The following ACAT1 variants were observed in gnomAD, a reference collection of about 807,000 sequenced individuals.
ACAT1 encodes the protein acetyl-CoA acetyltransferase, mitochondrial.
Under a neutral mutation model 47.3 loss-of-function variants are expected in ACAT1, and 28 were observed. The observed-to-expected ratio is 0.59, with a 90% CI of 0.44 to 0.81. The LOEUF (loss-of-function observed/expected upper bound fraction) is 0.81. Among genes scored for constraint, ACAT1 ranks in the 30% least tolerant of loss-of-function variants. The probability of loss-of-function intolerance (pLI) is 0.00; values close to 1 mark genes in which losing one functional copy is unlikely to be tolerated. For missense variants in ACAT1, 469 were observed against 524.3 expected (o/e 0.89, Z 1.03); for synonymous variants, 181 against 173.6 (o/e 1.04, Z -0.34).
At chr11:108,141,952 G>A (rs569112544) in intron 8 of ACAT1, among the ~76,000 whole-genome samples, 11 of 151,794 alleles carry the variant, frequency 7.2e-5, no homozygotes, top group Non-Finnish European at 1.3e-4. Context: ...GGTCTTCATT[G>A]GCATTGAAAA....
rs762879953 is a variant in ACAT1, at chr11:108,134,330, T to C, written c.334+14T>C. On this transcript the variant is annotated intron_variant, in intron 4 of 11. Coordinates refer to ENST00000265838, the MANE Select transcript of ACAT1 (RefSeq NM_000019.4). ...TATTGGGTGCAGGTACCTGGAAGAC[T>C]TTTTTGCTTTTATACTTAAAATGTG... 2.5e-6 allele frequency: 4 copies of C among 1,605,864 alleles called. No homozygotes were observed. The highest frequency in any genetic ancestry group is 1.1e-5 in the South Asian group (1 of 90,940).
At chr11:108,146,709 C>T (rs2077717893) in intron 11 of ACAT1, among the ~76,000 whole-genome samples, 1 of 152,086 alleles carries the variant, frequency 6.6e-6, no homozygotes, top group African/African-American at 2.4e-5. Context: ...TGTCAGTCAC[C>T]CAATATGTAG....
intron 6 of ACAT1, 189 bp from the exon 7 acceptor site, chr11:108,139,876 C>G: frequency 1.7e-6 from 1 of 582,356 alleles, no homozygotes; most frequent in Non-Finnish European, 2.9e-6. Context: ...TGGTCTTGAT[C>G]TCCTGACCTC....
At position 108,139,320 on chromosome 11, in the gene ACAT1, G is replaced by A. The variant is rs553461881; in HGVS notation, c.579+279G>A. On this transcript the variant is annotated intron_variant, in intron 6 of 11. Coordinates refer to ENST00000265838, the MANE Select transcript of ACAT1 (RefSeq NM_000019.4). ...GATAAGACATGAGTGGCTGGGTGCG[G>A]TGGCTCTGGCCTGTAATCCCAGCAC... 4.6e-5 allele frequency among the ~76,000 whole-genome samples: 7 copies of A among 152,228 alleles called. 1 individual carries two copies. The South Asian group carries it at 1.2e-3, about 27-fold the overall frequency.
chr11:108,119,257 G>A (rs988573897), upstream of ACAT1, among the ~76,000 whole-genome samples: 41 of 151,748 alleles, frequency 2.7e-4, no homozygotes, highest in African/African-American at 9.2e-4. Flanking sequence ...AGGCTGGAGT[G>A]CAGTGGTGTG....
At chr11:108,118,570 T>TTCACCGTGTTAGGATGGTC (rs1397241336), upstream of ACAT1, among the ~76,000 whole-genome samples, 17 of 152,272 alleles carry the variant, frequency 1.1e-4, no homozygotes, top group South Asian at 2.9e-3. Flanking sequence ...GAGACAGGGT[T>TTCACCGTGTTAGGATGGTC]TCACCGTGTT....
intron 2 of ACAT1, 86 bp from the exon 3 acceptor site, chr11:108,133,733 GT>G: frequency 1.8e-6 from 2 of 1,124,376 alleles, no homozygotes; most frequent in Non-Finnish European, 2.7e-6. Flanking sequence ...TCATAGAAGT[GT>G]TTTTTTGATA....
chr11:108,121,779 C>T, intron 1 of ACAT1, 101 bp downstream of exon 1: 2 of 1,385,760 alleles, frequency 1.4e-6, no homozygotes, highest in Non-Finnish European at 2.0e-6. Context: ...GCGGCCCGGG[C>T]GCGCGGCTTA....
rs761038005 is a variant in ACAT1, at chr11:108,139,029, TA to T, written c.571del (p.Ile191PhefsTer14). ...VKDGLTDVYN[K>X]IHMGSCAENT... ...AAGACGGGCTAACTGATGTCTACAA[TA>T]AAATTCATATGGTAAATGTGATTTT... is the stretch of plus-strand genomic sequence containing the variant. On this transcript the variant is annotated frameshift_variant, in exon 6 of 12. Coordinates refer to ENST00000265838, the MANE Select transcript of ACAT1 (RefSeq NM_000019.4). LOFTEE classifies it high-confidence loss of function. The T allele has an allele frequency of 6.2e-7, 1 of 1,614,208 alleles. No individual in the cohort carries two copies.
chr11:108,121,703 A>G (rs1294537526), intron 1 of ACAT1, 25 bp downstream of exon 1: 3 of 1,546,148 alleles, frequency 1.9e-6, no homozygotes, highest in African/African-American at 1.4e-5. Context: ...TCCCCACAGC[A>G]CTCAGACCCG....
Position 108,131,884 on chromosome 11 carries a change from CATT to C in ACAT1, c.73-20_73-18del, listed in dbSNP as rs761134266. 7 of 1,138,366 alleles carry C rather than the reference CATT, an allele frequency of 6.1e-6. No individual in the cohort carries two copies. Among genetic ancestry groups the C allele is most frequent in the South Asian group, 3.2e-5 (2 of 62,138 alleles). The allele number at this position is 1,138,366 out of a possible 1,614,324, so 70.5% of individuals were successfully genotyped here. ...TAGTTTAATATTTTTTACATTATAACATTATAAATATTTATATTACAGGAAATA... is the reference window on the plus strand; with the variant it reads ...TAGTTTAATATTTTTTACATTATAACATAAATATTTATATTACAGGAAATA... On this transcript the variant is annotated intron_variant, in intron 1 of 11. Coordinates refer to ENST00000265838, the MANE Select transcript of ACAT1 (RefSeq NM_000019.4).
At chr11:108,132,817 G>A (rs2077387367) in intron 2 of ACAT1, among the ~76,000 whole-genome samples, 1 of 119,624 alleles carries the variant, frequency 8.4e-6, no homozygotes, top group Non-Finnish European at 1.6e-5. Context: ...TCACGTGCCT[G>A]CACTCTAGCC....
chr11:108,129,945 T>A (rs2077326002), intron 1 of ACAT1, among the ~76,000 whole-genome samples: 1 of 152,104 alleles, frequency 6.6e-6, no homozygotes, highest in Non-Finnish European at 1.5e-5. Flanking sequence ...TATATGAAAA[T>A]TTTCAAACAA....
At chr11:108,121,482 G>A, upstream of ACAT1, 1 of 1,117,708 alleles carries the variant, frequency 8.9e-7, no homozygotes. Flanking sequence ...AATCGCCGCC[G>A]ACTGAGAGGC....
Position 108,121,569 on chromosome 11 carries a change from T to C in ACAT1, c.-38T>C. The C allele has an allele frequency of 3.2e-6, 5 of 1,547,024 alleles. No homozygotes were observed. Among genetic ancestry groups the C allele is most frequent in the Non-Finnish European group, 4.4e-6 (5 of 1,144,228 alleles). ...GCGGGGTTGGGGAGGAGGCCGCTAG[T>C]CTACGCCTGTGGAGCCGATACTCAG... On this transcript the variant is annotated 5_prime_UTR_variant, in exon 1 of 12. Coordinates refer to ENST00000265838, the MANE Select transcript of ACAT1 (RefSeq NM_000019.4).
rs200633012 is a variant in ACAT1, at chr11:108,131,974, C to T, written c.120+20C>T. 12 of 1,480,518 alleles carry T rather than the reference C, an allele frequency of 8.1e-6. No individual in the cohort carries two copies. The East Asian group carries it at 1.8e-4, about 23-fold the overall frequency. 91.7% of individuals were successfully genotyped at this position (1,480,518 alleles called of 1,614,324 possible). On this transcript the variant is annotated intron_variant, in intron 2 of 11. Coordinates refer to ENST00000265838, the MANE Select transcript of ACAT1 (RefSeq NM_000019.4). ...TTGAAGGTAAGTAATTTAAATTGTG[C>T]TTTAAAATTTCCAGAATTTAAAGGA...
chr11:108,145,125 C>T (rs902337661), intron 10 of ACAT1, among the ~76,000 whole-genome samples: 1 of 152,108 alleles, frequency 6.6e-6, no homozygotes, highest in East Asian at 1.9e-4. Flanking sequence ...AGGGCACTCA[C>T]TAGTAATGTT....
intron 11 of ACAT1, among the ~76,000 whole-genome samples, chr11:108,146,776 G>GTACTT (rs1321140412): frequency 5.3e-5 from 8 of 152,080 alleles, no homozygotes; most frequent in African/African-American, 1.9e-4. Context: ...ATACTGTTCT[G>GTACTT]TACTTTTAAA....
chr11:108,127,454 G>C (rs2077272504), intron 1 of ACAT1, among the ~76,000 whole-genome samples: 1 of 151,876 alleles, frequency 6.6e-6, no homozygotes, highest in Non-Finnish European at 1.5e-5. Context: ...ATTTTTAGTA[G>C]ATATGGGGTT....
Sources: allele counts gnomAD v4.1 joint callset (sites outside exome capture counted in the v4.1 genomes callset), GRCh38; gene constraint gnomAD v4.1.1; transcripts MANE v1.5; gene names NCBI Gene and HGNC (gene_info 2026-07-23, HGNC 2026-07-21).